STARD13: variants seen among roughly 807,000 people sequenced by gnomAD.
The protein encoded by STARD13 is stAR-related lipid transfer protein 13.
In STARD13, 62 loss-of-function variants were observed where a neutral mutation model predicts 106.4. The ratio of observed to expected loss-of-function variants is 0.58; its 90% confidence interval spans 0.48 to 0.72. The LOEUF (loss-of-function observed/expected upper bound fraction) is 0.72. Ranked by LOEUF, STARD13 falls within the 30% of genes least tolerant of loss-of-function variation. The probability of loss-of-function intolerance (pLI) is 0.00; values close to 1 mark genes in which losing one functional copy is unlikely to be tolerated. For synonymous variants in STARD13, 565 were observed against 553.0 expected (o/e 1.02, Z -0.31); for missense variants, 1,387 against 1,424.0 (o/e 0.97, Z 0.42).
At chr13:33,637,838 GGAGTTAAATTGACTT>G in the STARD13 span, among the ~76,000 whole-genome samples, 13 of 152,114 alleles carry the variant, frequency 8.5e-5, no homozygotes, top group Admixed American at 8.5e-4. Flanking sequence ...ATTAAAAACA[GGAGTTAAATTGACTT>G]GAATTATATT....
chr13:33,540,208 T>C, the STARD13 span, among the ~76,000 whole-genome samples: 1 of 152,192 alleles, frequency 6.6e-6, no homozygotes, highest in Non-Finnish European at 1.5e-5. Flanking sequence ...TTTTTCTTTC[T>C]TCATAATTTC....
chr13:33,651,187 C>A, the STARD13 span, among the ~76,000 whole-genome samples: 7 of 152,136 alleles, frequency 4.6e-5, no homozygotes, highest in Non-Finnish European at 1.0e-4. Context: ...TATTTTAGAT[C>A]TGAGATCTGT....
chr13:33,663,516 C>T, the STARD13 span, among the ~76,000 whole-genome samples: 8 of 151,978 alleles, frequency 5.3e-5, no homozygotes, highest in South Asian at 4.1e-4. Context: ...TATAAGGAAA[C>T]GCCTTTGTCA....
In STARD13 at chr13:33,104,003, C is replaced by G. The variant is rs1163301868; in HGVS notation, c.*1590G>C. The G allele has an allele frequency of 1.3e-5, 2 of 152,144 alleles. No homozygotes were observed. The highest frequency in any genetic ancestry group is 2.9e-5 in the Non-Finnish European group (2 of 68,010). 9.4% of individuals were successfully genotyped at this position (152,144 alleles called of 1,614,324 possible). A position where few individuals can be genotyped will look rare whatever the true frequency, so the allele number is the denominator to read the frequency against. On this transcript the variant is annotated 3_prime_UTR_variant, in exon 14 of 14. Transcript: ENST00000336934. ...CGCACCATACCAAACTCATAGAAAG[C>G]TTTTTTATTCCTCTCAATAAAATAA...
chr13:33,117,094 G>A (rs1875489552), intron 8 of STARD13, among the ~76,000 whole-genome samples: 1 of 152,086 alleles, frequency 6.6e-6, no homozygotes, highest in Non-Finnish European at 1.5e-5. Flanking sequence ...ATCTAGCAAA[G>A]AGTCACGTGT....
the STARD13 span, among the ~76,000 whole-genome samples, chr13:33,615,428 T>C: frequency 6.6e-6 from 1 of 152,232 alleles, no homozygotes; most frequent in Admixed American, 6.5e-5. Flanking sequence ...ACAAGCATTA[T>C]CTTTGAGTGC....
At chr13:33,641,491 G>C in the STARD13 span, among the ~76,000 whole-genome samples, 1 of 152,172 alleles carries the variant, frequency 6.6e-6, no homozygotes, top group African/African-American at 2.4e-5. Flanking sequence ...TGGTTTCTAT[G>C]ACCCACCTTG....
chr13:33,602,312 C>T, the STARD13 span, among the ~76,000 whole-genome samples: 5 of 152,084 alleles, frequency 3.3e-5, no homozygotes, highest in Non-Finnish European at 7.4e-5. Context: ...AGGATGGTCT[C>T]GATCTCCTGA....
At chr13:33,522,022 A>G in the STARD13 span, among the ~76,000 whole-genome samples, 1 of 152,152 alleles carries the variant, frequency 6.6e-6, no homozygotes, top group African/African-American at 2.4e-5. Flanking sequence ...AAGAAAATCA[A>G]TAAATATCTA....
intron 1 of STARD13, among the ~76,000 whole-genome samples, chr13:33,242,688 C>T (rs957427647): frequency 6.6e-6 from 1 of 151,992 alleles, no homozygotes; most frequent in Non-Finnish European, 1.5e-5. Context: ...CTTCCCTCCA[C>T]TATTGTCCTA....
the STARD13 span, among the ~76,000 whole-genome samples, chr13:33,631,530 T>C: frequency 6.6e-6 from 1 of 152,246 alleles, no homozygotes; most frequent in Admixed American, 6.5e-5. Context: ...CAGGTCCTAA[T>C]GCTGATGCCT....
the STARD13 span, among the ~76,000 whole-genome samples, chr13:33,579,518 T>C: frequency 1.3e-5 from 2 of 151,884 alleles, no homozygotes. Context: ...AAAAACTATA[T>C]ATTGAGTACA....
chr13:33,520,627 A>T, the STARD13 span, among the ~76,000 whole-genome samples: 1 of 151,986 alleles, frequency 6.6e-6, no homozygotes, highest in Non-Finnish European at 1.5e-5. Context: ...GGTCAAAGTC[A>T]TTCTGCCTTC....
chr13:33,368,992 G>A, the STARD13 span, among the ~76,000 whole-genome samples: 1 of 152,162 alleles, frequency 6.6e-6, no homozygotes, highest in Non-Finnish European at 1.5e-5. Context: ...CTGCAGACTT[G>A]GGAAGTGAGT....
chr13:33,573,256 A>G, the STARD13 span, among the ~76,000 whole-genome samples: 1 of 152,200 alleles, frequency 6.6e-6, no homozygotes, highest in South Asian at 2.1e-4. Context: ...TGATATCTAT[A>G]TAGAAAAAAG....
the STARD13 span, among the ~76,000 whole-genome samples, chr13:33,499,788 A>G: frequency 7.8e-6 from 1 of 127,776 alleles, no homozygotes; most frequent in Non-Finnish European, 1.6e-5. Context: ...TTTTAGAGAC[A>G]AGGTCTTACT....
At chr13:33,515,461 G>C in the STARD13 span, among the ~76,000 whole-genome samples, 1 of 152,136 alleles carries the variant, frequency 6.6e-6, no homozygotes, top group Non-Finnish European at 1.5e-5. Flanking sequence ...ACTTTTGTCC[G>C]TGTTCTCCAA....
the STARD13 span, among the ~76,000 whole-genome samples, chr13:33,673,919 G>A: frequency 6.6e-6 from 1 of 151,062 alleles, no homozygotes; most frequent in Non-Finnish European, 1.5e-5. Flanking sequence ...GGAGTGCAGT[G>A]GTGCGATCTC....
the STARD13 span, among the ~76,000 whole-genome samples, chr13:33,592,292 T>G: frequency 6.6e-6 from 1 of 152,234 alleles, no homozygotes; most frequent in African/African-American, 2.4e-5. Context: ...ATAAAAATTA[T>G]CCTTTAGTTT....
Sources: gnomAD v4.1 joint callset for allele counts (sites outside exome capture counted in the v4.1 genomes callset) on GRCh38, gnomAD v4.1.1 for gene constraint, MANE v1.5 for transcripts, NCBI Gene and HGNC (gene_info 2026-07-23, HGNC 2026-07-21) for gene names.